The following TTC16 variants were observed in gnomAD, a reference collection of about 807,000 sequenced individuals.
TTC16 encodes tetratricopeptide repeat domain 16.
A neutral mutation model predicts 80.4 loss-of-function variants in TTC16; 66 were observed. The ratio of observed to expected loss-of-function variants is 0.82; its 90% CI spans 0.67 to 1.01. The LOEUF (loss-of-function observed/expected upper bound fraction) is 1.01, where lower values mean the gene tolerates loss of function less well. TTC16 is among the 50% of genes least tolerant of loss of function. The pLI is 0.00. For synonymous variants in TTC16, 438 were observed against 451.3 expected, an observed-to-expected ratio of 0.97 and a Z score of 0.37; for missense variants, 1,070 against 1,103.2, an observed-to-expected ratio of 0.97 and a Z score of 0.43.
At position 127,716,169 on chromosome 9, in the gene TTC16, G is replaced by A. The variant is rs1842988114; in HGVS notation, c.18+6G>A. On this transcript the variant is annotated splice_donor_region_variant and intron_variant, in intron 1 of 13. Coordinates refer to ENST00000373289, the MANE Select transcript of TTC16 (RefSeq NM_144965.3). ...TCATGACAGATTCGGACGAGGTGCGGGCTTGGGAGAAGACTAACGCAAAGG... is the reference window on the plus strand; with the variant it reads ...TCATGACAGATTCGGACGAGGTGCGAGCTTGGGAGAAGACTAACGCAAAGG... The A allele has an allele frequency of 6.2e-7, 1 of 1,613,958 alleles. No individual in the cohort carries two copies. Among genetic ancestry groups the A allele is most frequent in the Non-Finnish European group, 8.5e-7 (1 of 1,180,008 alleles).
At chr9:127,724,699 T>G in intron 8 of TTC16, 57 bp from the exon 9 acceptor site, 1 of 1,575,610 alleles carries the variant, frequency 6.3e-7, no homozygotes, top group Non-Finnish European at 8.6e-7. Context: ...CCGGCTGGGC[T>G]GGGGCTCCCG....
chr9:127,726,449 C>T (rs780580095), intron 10 of TTC16, 45 bp downstream of exon 10: 30 of 1,498,138 alleles, frequency 2.0e-5, no homozygotes, highest in East Asian at 4.8e-5. Context: ...GAGTCATGCC[C>T]GGTGCATAAA....
chr9:127,717,287 G>A, intron 2 of TTC16, 47 bp from the exon 3 acceptor site: 2 of 1,586,124 alleles, frequency 1.3e-6, no homozygotes, highest in South Asian at 1.1e-5. Flanking sequence ...CCCTGGGCTG[G>A]TCCACAGTCA....
chr9:127,730,448 T>C (rs1844320305), intron 13 of TTC16, 188 bp from the exon 14 acceptor site: 1 of 787,836 alleles, frequency 1.3e-6, no homozygotes, highest in African/African-American at 1.7e-5. Flanking sequence ...ATCTCCCCCA[T>C]CTCACAGCCC....
rs1346004344 is a variant in TTC16, at chr9:127,723,257, A to G, written c.796A>G (p.Lys266Glu). 6.2e-7 allele frequency: 1 copy of G among 1,612,818 alleles called. No homozygotes were observed. Among genetic ancestry groups the G allele is most frequent in the Non-Finnish European group, 8.5e-7 (1 of 1,180,038 alleles). Residue 266 changes from lysine (K) to glutamate (E), a missense_variant, in exon 7 of 14, where the codon AAG (lysine) becomes GAG (glutamate). By Grantham distance (56) the Lys-to-Glu change is moderately conservative. Coordinates refer to ENST00000373289, the MANE Select transcript of TTC16 (RefSeq NM_144965.3). Reference protein sequence around the residue: ...QDAGILAVQGKLQHALQRINR... With the variant: ...QDAGILAVQGELQHALQRINR... The stretch of plus-strand genomic sequence containing the variant: ...TGCGGGGATCCTGGCTGTGCAGGGC[A>G]AGCTGCAGCACGCACTGCAGCGGAT...
In TTC16 at chr9:127,727,509, G is replaced by C. The variant is rs954491395; in HGVS notation, c.1764+44G>C. 2.6e-6 allele frequency: 4 copies of C among 1,546,158 alleles called. No homozygotes were observed. In the Admixed American group the frequency reaches 5.9e-5, roughly 23 times the overall value. On this transcript the variant is annotated intron_variant, in intron 12 of 13. Coordinates refer to ENST00000373289, the MANE Select transcript of TTC16 (RefSeq NM_144965.3). ...AGGGCTCGGAGCCCTTGGGGTCTGG[G>C]GCACAGCGTACCCCAGCCCAGGGCT...
intron 12 of TTC16, chr9:127,728,887 G>GA (rs1354215453): frequency 1.3e-5 from 2 of 152,258 alleles, no homozygotes; most frequent in East Asian, 3.8e-4. Context: ...CCTTCCCTCT[G>GA]TGTGACCCCT....
At chr9:127,720,802 TCCTC>T (rs1843388423) in intron 6 of TTC16, among the ~76,000 whole-genome samples, 1 of 128,170 alleles carries the variant, frequency 7.8e-6, no homozygotes, top group East Asian at 2.3e-4. Flanking sequence ...CCTTCCCCCT[TCCTC>T]CCTCCTTCTT....
intron 13 of TTC16, 63 bp from the exon 14 acceptor site, chr9:127,730,573 T>C: frequency 6.4e-7 from 1 of 1,563,030 alleles, no homozygotes; most frequent in East Asian, 2.2e-5. Context: ...AAGCCCCTTT[T>C]CCCAGAGCTG....
At chr9:127,729,731 G>GGGGTC in intron 13 of TTC16, 63 bp downstream of exon 13, 1 of 1,517,954 alleles carries the variant, frequency 6.6e-7, no homozygotes, top group Non-Finnish European at 9.1e-7. Context: ...TCAAAGCTCA[G>GGGGTC]GGGTCGAAGA....
In TTC16 at chr9:127,730,518, T is replaced by C. The variant is rs73606095; in HGVS notation, c.1853-118T>C. On this transcript the variant is annotated intron_variant, in intron 13 of 13. Coordinates refer to ENST00000373289, the MANE Select transcript of TTC16 (RefSeq NM_144965.3). Reference sequence around the variant, plus strand: ...GGGGGTGATCTGCAGGTCTTTCCCTTTGGTGATGCGAAGCCTCTGGGCCAC... The same window carrying C: ...GGGGGTGATCTGCAGGTCTTTCCCTCTGGTGATGCGAAGCCTCTGGGCCAC... The C allele has an allele frequency of 4.2e-3, 6,057 of 1,441,354 alleles. 170 individuals are homozygous for C. In the African/African-American group the frequency reaches 0.067, roughly 16 times the overall value. The allele number at this position is 1,441,354 out of a possible 1,614,324, so 89.3% of individuals were successfully genotyped here.
At position 127,724,157 on chromosome 9, in the gene TTC16, G is replaced by A; in HGVS notation, c.910G>A (p.Ala304Thr). 1.9e-6 allele frequency: 3 copies of A among 1,613,086 alleles called. No individual in the cohort carries two copies. The highest frequency in any genetic ancestry group is 2.5e-6 in the Non-Finnish European group (3 of 1,179,946). ...MYRRLQEFDG[A>T]VEDFLKVLDM... ...CCGACGGCTCCAGGAGTTCGATGGG[G>A]CAGTGGAGGACTTCCTGAAGGTGCT... The change falls in exon 8 of 14, where the codon GCA (alanine) becomes ACA (threonine). Residue 304 changes from alanine (A) to threonine (T), a missense_variant. Physicochemically the swap from Ala to Thr is moderately conservative, Grantham distance 58. Transcript: ENST00000373289.
Position 127,717,667 on chromosome 9 carries a change from G to A in TTC16, c.321G>A (p.Gln107=), listed in dbSNP as rs764203644. The change falls in exon 4 of 14, where the codon CAG becomes CAA. Residue 107 remains glutamine, a synonymous_variant. Transcript: ENST00000373289. The part of the protein sequence containing the change: ...FYALRAEAYL[Q]LCDFSSAAQN... ...CCTTACGGGCTGAGGCCTACCTCCAGCTCTGTGACTTCTCCTCGGCCGCCC... is the reference window on the plus strand; with the variant it reads ...CCTTACGGGCTGAGGCCTACCTCCAACTCTGTGACTTCTCCTCGGCCGCCC... 1 of 1,614,052 alleles carries A rather than the reference G, an allele frequency of 6.2e-7. No individual in the cohort carries two copies. The highest frequency in any genetic ancestry group is 1.1e-5 in the South Asian group (1 of 91,086).
intron 6 of TTC16, among the ~76,000 whole-genome samples, chr9:127,720,831 T>TTCCCCCTTCCTCCCTCCTCCTTTCCTTTC (rs1197696217): frequency 0.11 from 98 of 870 alleles, 43 homozygotes; most frequent in African/African-American, 0.33. Flanking sequence ...CCCTCCTGCC[T>TTCCCCCTTCCTCCCTCCTCCTTTCCTTTC]TCCCTCCTCC....
chr9:127,731,586 C>A lies in TTC16; in HGVS notation c.*181C>A. On this transcript the variant is annotated 3_prime_UTR_variant, in exon 14 of 14. Transcript: ENST00000373289. ...TTTACAAAATTAAAAACATCTAAAA[C>A]CAGGCCCAAGTGGCAGCTTGAGTCC... 7.3e-7 allele frequency: 1 copy of A among 1,365,668 alleles called. No individual in the cohort carries two copies. Among genetic ancestry groups the A allele is most frequent in the Non-Finnish European group, 9.6e-7 (1 of 1,043,546 alleles). 84.6% of individuals were successfully genotyped at this position (1,365,668 alleles called of 1,614,324 possible). A position where few individuals can be genotyped will look rare whatever the true frequency, so the allele number is the denominator to read the frequency against.
At chr9:127,721,904 C>G (rs1843544230) in intron 6 of TTC16, among the ~76,000 whole-genome samples, 1 of 151,878 alleles carries the variant, frequency 6.6e-6, no homozygotes, top group African/African-American at 2.4e-5. Context: ...CAGGTGATAC[C>G]CCCTGCCTCG....
At position 127,728,874 on chromosome 9, in the gene TTC16, A is replaced by C. The variant is rs541507449; in HGVS notation, c.1765-707A>C. On this transcript the variant is annotated intron_variant, in intron 12 of 13. Transcript: ENST00000373289. ...CATGTTAGAATGAATATTAAAGTAC[A>C]CACCTTCCCTCTGTGTGACCCCTGA... is the stretch of plus-strand genomic sequence containing the variant. 3.9e-5 allele frequency: 6 copies of C among 152,290 alleles called. No individual in the cohort carries two copies. In the East Asian group the frequency reaches 1.2e-3, roughly 29 times the overall value. 9.4% of individuals were successfully genotyped at this position (152,290 alleles called of 1,614,324 possible).
chr9:127,722,429 G>A lies in TTC16; in HGVS notation c.658-690G>A, dbSNP rs1332762374. Reference sequence around the variant, plus strand: ...TGGGCAGAGGAGTCTTGGGCTCAAAGGTCAGGGAGGAGAAGAGGGAGTGCA... The same window carrying A: ...TGGGCAGAGGAGTCTTGGGCTCAAAAGTCAGGGAGGAGAAGAGGGAGTGCA... On this transcript the variant is annotated intron_variant, in intron 6 of 13. Transcript: ENST00000373289. This position sits in a 1 kb window ranked among gnomAD's most constrained non-coding sequence, Gnocchi z 4.2. Among the ~76,000 whole-genome samples the A allele has an allele frequency of 6.6e-6, 1 of 152,174 alleles. No homozygotes were observed. The highest frequency in any genetic ancestry group is 2.4e-5 in the African/African-American group (1 of 41,430).
chr9:127,721,262 G>A (rs2131637987), intron 6 of TTC16, among the ~76,000 whole-genome samples: 1 of 152,202 alleles, frequency 6.6e-6, no homozygotes, highest in East Asian at 1.9e-4. Context: ...CAGCGGGGAG[G>A]GCTGGAGGCC....
Sources: gnomAD v4.1 joint callset for allele counts (sites outside exome capture counted in the v4.1 genomes callset) on GRCh38, gnomAD v4.1.1 for gene constraint, Gnocchi (gnomAD v3.1) non-coding constraint, MANE v1.5 for transcripts, NCBI Gene and HGNC (gene_info 2026-07-23, HGNC 2026-07-21) for gene names.